KIF16B: variants seen among roughly 807,000 people sequenced by gnomAD.
KIF16B encodes the protein kinesin-like protein KIF16B.
In KIF16B, 98 loss-of-function variants were observed where a neutral mutation model predicts 156.3. The observed-to-expected ratio is 0.63, with a 90% CI of 0.53 to 0.74. The LOEUF (loss-of-function observed/expected upper bound fraction) is 0.74. KIF16B is among the 30% of genes least tolerant of loss of function. The pLI is 0.00. For missense variants in KIF16B, 1,421 were observed against 1,606.5 expected (o/e 0.88, Z 1.97); for synonymous variants, 564 against 583.7 (o/e 0.97, Z 0.49).
At chr20:16,501,378 C>A (rs955676795) in intron 10 of KIF16B, among the ~76,000 whole-genome samples, 1 of 122,604 alleles carries the variant, frequency 8.2e-6, no homozygotes, top group Non-Finnish European at 1.7e-5. Flanking sequence ...AAGAATTTAA[C>A]CGGCACTTCT....
At chr20:16,494,150 C>A in intron 12 of KIF16B, 141 bp downstream of exon 12, 2 of 611,110 alleles carry the variant, frequency 3.3e-6, no homozygotes. Context: ...AACTCCCATC[C>A]CATGAAAGTC....
intron 23 of KIF16B, among the ~76,000 whole-genome samples, chr20:16,342,735 C>A (rs1240581606): frequency 6.6e-6 from 1 of 152,236 alleles, no homozygotes; most frequent in Non-Finnish European, 1.5e-5. Flanking sequence ...AAGCTTCCCA[C>A]TTTATATAAC....
At chr20:16,369,054 C>T (rs898247057) in intron 22 of KIF16B, 3 of 985,632 alleles carry the variant, frequency 3.0e-6, no homozygotes, top group Non-Finnish European at 3.6e-6. Context: ...CCTGGAATAC[C>T]TCGGGTACTG....
rs368502807 is a variant in KIF16B, at chr20:16,345,642, A to G, written c.3622-9627T>C. 1.8e-4 allele frequency among the ~76,000 whole-genome samples: 27 copies of G among 152,354 alleles called. No homozygotes were observed. The South Asian group carries it at 5.0e-3, about 28-fold the overall frequency. ...AACAATTTTAGGGTAGGTAGGTATG[A>G]GGCTCCTAAAAGACACGTTAAGAAA... On this transcript the variant is annotated intron_variant, in intron 23 of 25. Coordinates refer to ENST00000354981, the MANE Select transcript of KIF16B (RefSeq NM_024704.5).
intron 15 of KIF16B, among the ~76,000 whole-genome samples, chr20:16,424,754 T>C (rs933037595): frequency 6.6e-6 from 1 of 151,970 alleles, no homozygotes; most frequent in East Asian, 1.9e-4. Flanking sequence ...ATAGCCATGC[T>C]TGTGGTCTGA....
chr20:16,540,552 G>A (rs1354403529), intron 1 of KIF16B, among the ~76,000 whole-genome samples: 4 of 152,044 alleles, frequency 2.6e-5, no homozygotes, highest in Non-Finnish European at 2.9e-5. Flanking sequence ...ACAGCTCCTC[G>A]TGCCCTTGCA....
At chr20:16,452,223 A>G (rs1303958128) in intron 12 of KIF16B, among the ~76,000 whole-genome samples, 1 of 152,176 alleles carries the variant, frequency 6.6e-6, no homozygotes, top group Non-Finnish European at 1.5e-5. Context: ...AAAGTGAACA[A>G]AGAGTCCAGA....
chr20:16,283,247 C>A (rs560585632), intron 25 of KIF16B, among the ~76,000 whole-genome samples: 11 of 152,320 alleles, frequency 7.2e-5, no homozygotes, highest in African/African-American at 2.6e-4. Context: ...CTGGGGTGGG[C>A]TACCCAGGGT....
At chr20:16,317,464 T>C (rs2122756050) in intron 24 of KIF16B, among the ~76,000 whole-genome samples, 1 of 151,220 alleles carries the variant, frequency 6.6e-6, no homozygotes, top group East Asian at 1.9e-4. Context: ...TCTTTCTTTC[T>C]GTAAGATTTC....
At chr20:16,390,852 G>T (rs2065345939) in intron 17 of KIF16B, among the ~76,000 whole-genome samples, 1 of 152,220 alleles carries the variant, frequency 6.6e-6, no homozygotes, top group Non-Finnish European at 1.5e-5. Flanking sequence ...GCAGGACTCT[G>T]AGTAGAATAA....
At chr20:16,528,598 C>T (rs546407693) in intron 1 of KIF16B, among the ~76,000 whole-genome samples, 158 bp from the exon 2 acceptor site, 1 of 152,140 alleles carries the variant, frequency 6.6e-6, no homozygotes, top group Non-Finnish European at 1.5e-5. Flanking sequence ...CAAATCCTTA[C>T]TAATATAACA....
Position 16,320,013 on chromosome 20 carries a change from T to A in KIF16B, c.3712-7595A>T, listed in dbSNP as rs1202780951. On this transcript the variant is annotated intron_variant, in intron 24 of 25. Coordinates refer to ENST00000354981, the MANE Select transcript of KIF16B (RefSeq NM_024704.5). The stretch of plus-strand genomic sequence containing the variant: ...AAAAGACTGCAAACTACCCTAGGAC[T>A]ATAGAAGGCTTCCTCTCACCATACC... 2.0e-5 allele frequency among the ~76,000 whole-genome samples: 3 copies of A among 152,154 alleles called. No homozygotes were observed. In the East Asian group the frequency reaches 5.8e-4, roughly 29 times the overall value.
chr20:16,511,414 T>C lies in KIF16B; in HGVS notation c.556+4A>G. ...GAATATGGCTGTGAAATATCTACTC[T>C]TACCCTCAACATAAGGGCCTTCTTT... On this transcript the variant is annotated splice_donor_region_variant and intron_variant, in intron 6 of 25. Coordinates refer to ENST00000354981, the MANE Select transcript of KIF16B (RefSeq NM_024704.5). 1 of 1,517,224 alleles carries C rather than the reference T, an allele frequency of 6.6e-7. No individual in the cohort carries two copies. The highest frequency in any genetic ancestry group is 9.1e-7 in the Non-Finnish European group (1 of 1,101,488). 94.0% of individuals were successfully genotyped at this position (1,517,224 alleles called of 1,614,324 possible).
At chr20:16,358,916 C>T (rs573289232) in intron 22 of KIF16B, among the ~76,000 whole-genome samples, 47 of 152,300 alleles carry the variant, frequency 3.1e-4, no homozygotes, top group African/African-American at 9.6e-4. Flanking sequence ...TACTGGGTAC[C>T]ACCTATGTGC....
chr20:16,376,473 G>A (rs2064953300), intron 19 of KIF16B, among the ~76,000 whole-genome samples: 1 of 152,210 alleles, frequency 6.6e-6, no homozygotes, highest in Non-Finnish European at 1.5e-5. Context: ...CAGGCTGCAC[G>A]GTGAATCCTG....
At chr20:16,433,073 T>C (rs2066545515) in intron 12 of KIF16B, among the ~76,000 whole-genome samples, 2 of 152,194 alleles carry the variant, frequency 1.3e-5, no homozygotes, top group Non-Finnish European at 2.9e-5. Context: ...AGAATTCATG[T>C]TTTTTCCTCC....
intron 12 of KIF16B, among the ~76,000 whole-genome samples, chr20:16,442,050 T>C (rs1230371215): frequency 6.6e-6 from 1 of 152,160 alleles, no homozygotes; most frequent in Non-Finnish European, 1.5e-5. Context: ...TTCATCACTG[T>C]GCCAACATCT....
chr20:16,339,742 T>A (rs961844357), intron 23 of KIF16B, among the ~76,000 whole-genome samples: 1 of 152,210 alleles, frequency 6.6e-6, no homozygotes, highest in African/African-American at 2.4e-5. Flanking sequence ...CCTGTTCACA[T>A]CTCACATCCA....
intron 25 of KIF16B, among the ~76,000 whole-genome samples, chr20:16,311,450 T>C (rs6111043): frequency 0.024 from 3,684 of 152,326 alleles, 57 homozygotes; most frequent in Middle Eastern, 0.041. Context: ...ACTGTGCCAC[T>C]GAACTCCAGC....
Sources: allele counts gnomAD v4.1 joint callset (sites outside exome capture counted in the v4.1 genomes callset), GRCh38; gene constraint gnomAD v4.1.1; transcripts MANE v1.5; gene names NCBI Gene and HGNC (gene_info 2026-07-23, HGNC 2026-07-21).